The following RYR2 variants were observed in gnomAD, a reference collection of about 807,000 sequenced individuals.
RYR2 encodes cardiac muscle ryanodine receptor-calcium release channel.
RYR2 carries 227 observed loss-of-function variants against 601.1 expected under a neutral mutation model. The ratio of observed to expected loss-of-function variants is 0.38; its 90% CI spans 0.34 to 0.42. RYR2 has a LOEUF of 0.42. Ranked by LOEUF, RYR2 falls within the 10% of genes least tolerant of loss-of-function variation. The probability of loss-of-function intolerance (pLI) is 1.00; values close to 1 mark genes in which losing one functional copy is unlikely to be tolerated. For synonymous variants in RYR2, 2,223 were observed against 2,175.1 expected (o/e 1.02, Z -0.61); for missense variants, 4,646 against 6,156.5 (o/e 0.75, Z 8.21).
chr1:237,694,042 C>T (rs1354004645), intron 63 of RYR2, among the ~76,000 whole-genome samples: 1 of 152,134 alleles, frequency 6.6e-6, no homozygotes, highest in African/African-American at 2.4e-5. Context: ...CGCCTGTAAT[C>T]CCAGCACTCT....
rs1664009455 is a variant in RYR2 at position 237,833,254 on chromosome 1, G to GT, written c.*608dup. 1 of 142,308 alleles carries GT rather than the reference G, an allele frequency of 7.0e-6. No homozygotes were observed. The highest frequency in any genetic ancestry group is 2.6e-5 in the African/African-American group (1 of 37,800). The allele number at this position is 142,308 out of a possible 1,614,324, so 8.8% of individuals were successfully genotyped here. On this transcript the variant is annotated 3_prime_UTR_variant, in exon 105 of 105. Transcript: ENST00000366574. ...TTAGTCTTTTCTTTAGTGGGGGAGG[G>GT]TAAGAAAAGCAGTTTGCACTTAAAA... is the stretch of plus-strand genomic sequence containing the variant.
At chr1:237,523,172 C>G (rs779235514) in intron 24 of RYR2, among the ~76,000 whole-genome samples, 17 of 152,082 alleles carry the variant, frequency 1.1e-4, no homozygotes, top group Non-Finnish European at 2.4e-4. Context: ...GCAAAGAGTA[C>G]TTAGATACAA....
chr1:237,241,783 C>G (rs1422619101), intron 1 of RYR2, among the ~76,000 whole-genome samples: 1 of 152,194 alleles, frequency 6.6e-6, no homozygotes, highest in Non-Finnish European at 1.5e-5. Flanking sequence ...TATAGGATAA[C>G]TTCCAGACAT....
At chr1:237,734,235 G>T (rs1378718628) in intron 79 of RYR2, among the ~76,000 whole-genome samples, 2 of 152,158 alleles carry the variant, frequency 1.3e-5, no homozygotes, top group African/African-American at 4.8e-5. Context: ...GGAGGTCTCA[G>T]GAACTTATAA....
chr1:237,522,123 C>T (rs1032106725), intron 24 of RYR2, among the ~76,000 whole-genome samples: 4 of 152,046 alleles, frequency 2.6e-5, no homozygotes, highest in African/African-American at 9.7e-5. Flanking sequence ...CTCCCCGCTC[C>T]CCCTACCCCA....
intron 1 of RYR2, among the ~76,000 whole-genome samples, chr1:237,230,400 T>C (rs1441650280): frequency 6.6e-6 from 1 of 152,202 alleles, no homozygotes; most frequent in Non-Finnish European, 1.5e-5. Flanking sequence ...AAGCAATACC[T>C]AACAATCACT....
chr1:237,709,628 C>T, intron 70 of RYR2, 61 bp downstream of exon 70: 1 of 1,008,080 alleles, frequency 9.9e-7, no homozygotes, highest in South Asian at 1.5e-5. Context: ...TTACTTGCCT[C>T]CTAGGTTTCA....
chr1:237,726,288 G>T lies in RYR2; in HGVS notation c.10705G>T (p.Gly3569Cys). The T allele has an allele frequency of 6.3e-7, 1 of 1,588,804 alleles. No individual in the cohort carries two copies. The change falls in exon 75 of 105, where the codon GGT becomes TGT. Residue 3569 changes from glycine (G) to cysteine (C), a missense_variant. By Grantham distance (159) the Gly-to-Cys change is radical. Around this residue, in one of 17 missense-constraint regions of RYR2, gnomAD observed 1,497 missense variants for 1,842.6 expected, o/e 0.81. Transcript: ENST00000366574. ...FHLEQKSKRVGRRHYCLVEHP... is the reference protein window; with the variant it reads ...FHLEQKSKRVCRRHYCLVEHP... ...TTTCTTTCAGAAGTCTAAACGTGTG[G>T]GTCGGAGACATTACTGTCTGGGAAG...
At chr1:237,290,615 A>G (rs1174718304) in intron 2 of RYR2, among the ~76,000 whole-genome samples, 1 of 152,232 alleles carries the variant, frequency 6.6e-6, no homozygotes, top group Non-Finnish European at 1.5e-5. Flanking sequence ...AAGACTTCTG[A>G]ATATCAGCAA....
intron 47 of RYR2, 143 bp from the exon 48 acceptor site, chr1:237,643,184 T>C: frequency 2.0e-6 from 2 of 977,484 alleles, no homozygotes; most frequent in Middle Eastern, 2.8e-4. Flanking sequence ...GCCAGAAAAC[T>C]ATTTCTGAGA....
intron 71 of RYR2, among the ~76,000 whole-genome samples, chr1:237,714,289 ATAAAGT>A (rs765751213): frequency 1.4e-4 from 21 of 152,356 alleles, no homozygotes; most frequent in Non-Finnish European, 2.9e-4. Context: ...TAACAAAATG[ATAAAGT>A]TAAAATACAG....
chr1:237,638,562 C>A, intron 45 of RYR2, 70 bp downstream of exon 45: 1 of 1,502,504 alleles, frequency 6.7e-7, no homozygotes, highest in Non-Finnish European at 9.1e-7. Context: ...AAGGATTCAT[C>A]TCAGCACTTT....
chr1:237,280,129 A>G (rs1690710624), intron 2 of RYR2, among the ~76,000 whole-genome samples: 1 of 152,334 alleles, frequency 6.6e-6, no homozygotes, highest in East Asian at 1.9e-4. Context: ...TCACCAGCAT[A>G]AATAATGCAT....
chr1:237,797,610 A>G (rs1030402201), intron 96 of RYR2, among the ~76,000 whole-genome samples: 9 of 152,240 alleles, frequency 5.9e-5, no homozygotes, highest in South Asian at 2.1e-4. Flanking sequence ...GGCACATTAC[A>G]TGAAGTTTTC....
chr1:237,357,799 A>G (rs1421359880), intron 4 of RYR2, among the ~76,000 whole-genome samples: 1 of 152,112 alleles, frequency 6.6e-6, no homozygotes, highest in Non-Finnish European at 1.5e-5. Context: ...GTAGGACTAG[A>G]ATCTGCTTTA....
intron 8 of RYR2, among the ~76,000 whole-genome samples, chr1:237,380,615 C>T (rs1482092455): frequency 6.6e-6 from 1 of 151,148 alleles, no homozygotes; most frequent in Non-Finnish European, 1.5e-5. Flanking sequence ...AAGTTACTGT[C>T]ACTATTTACT....
intron 17 of RYR2, among the ~76,000 whole-genome samples, chr1:237,484,698 A>C (rs1662487640): frequency 6.6e-6 from 1 of 152,218 alleles, no homozygotes. Flanking sequence ...TGAATATACA[A>C]TAGCAAAGTC....
rs1389067170 is a variant in RYR2 at position 237,819,834 on chromosome 1, A to G, written c.14590+642A>G. 2.0e-5 allele frequency among the ~76,000 whole-genome samples: 3 copies of G among 149,802 alleles called. No homozygotes were observed. The highest frequency in any genetic ancestry group is 7.5e-5 in the African/African-American group (3 of 40,076). On this transcript the variant is annotated intron_variant, in intron 101 of 104. Transcript: ENST00000366574. The surrounding 1 kb of genome is among the most constrained non-coding windows in gnomAD (Gnocchi z 4.0). The stretch of plus-strand genomic sequence containing the variant: ...ACTCCATTTCAAAACACACACTCAA[A>G]CCCAACAACAACAACAACAACAAAA...
At chr1:237,144,229 G>A (rs574961869) in intron 1 of RYR2, among the ~76,000 whole-genome samples, 1 of 152,252 alleles carries the variant, frequency 6.6e-6, no homozygotes, top group South Asian at 2.1e-4. Flanking sequence ...ATATAGCCAA[G>A]TAGACAGAAC....
Sources: allele counts gnomAD v4.1 joint callset (sites outside exome capture counted in the v4.1 genomes callset), GRCh38; gene constraint gnomAD v4.1.1; regional missense constraint gnomAD v4.1.1; non-coding constraint Gnocchi (gnomAD v3.1); transcripts MANE v1.5; gene names NCBI Gene and HGNC (gene_info 2026-07-23, HGNC 2026-07-21).